CTNNA3: variants seen among roughly 807,000 people sequenced by gnomAD.
CTNNA3 encodes catenin alpha-3.
In CTNNA3, 76 loss-of-function variants were observed where a neutral mutation model predicts 95.7. That is an observed-to-expected ratio of 0.79 (90% confidence interval 0.66 to 0.96). CTNNA3 has a LOEUF of 0.96. Ranked by LOEUF, CTNNA3 falls within the 40% of genes least tolerant of loss-of-function variation. The pLI, the probability that CTNNA3 is intolerant of heterozygous loss-of-function variation, is 0.00. For synonymous variants in CTNNA3, 431 were observed against 374.4 expected (o/e 1.15, Z -1.74); for missense variants, 1,191 against 1,089.8 (o/e 1.09, Z -1.31).
At chr10:66,981,742 T>C (rs1850453682) in intron 7 of CTNNA3, among the ~76,000 whole-genome samples, 1 of 152,214 alleles carries the variant, frequency 6.6e-6, no homozygotes, top group African/African-American at 2.4e-5. Flanking sequence ...ATTATGAACA[T>C]GGCATAGCAC....
chr10:65,980,128 A>T (rs1443124192), intron 16 of CTNNA3, among the ~76,000 whole-genome samples: 1 of 152,056 alleles, frequency 6.6e-6, no homozygotes, highest in Non-Finnish European at 1.5e-5. Flanking sequence ...ATTAAATTAG[A>T]ACGAAATGGG....
intron 6 of CTNNA3, among the ~76,000 whole-genome samples, chr10:67,190,688 T>A (rs182023086): frequency 6.6e-6 from 1 of 152,158 alleles, no homozygotes; most frequent in Admixed American, 6.5e-5. Flanking sequence ...TATTTTTAAA[T>A]TAATCAGTTG....
chr10:66,926,843 A>T lies in CTNNA3; in HGVS notation c.1048-151319T>A. 5.5e-6 allele frequency: 7 copies of T among 1,270,320 alleles called. No individual in the cohort carries two copies. In the South Asian group the frequency reaches 1.1e-4, roughly 20 times the overall value. 78.7% of individuals were successfully genotyped at this position (1,270,320 alleles called of 1,614,324 possible). ...AGATTTAAATTTTTAAAAATGAAAA[A>T]TATATGCCTATTTTTGCTTGATTAA... On this transcript the variant is annotated intron_variant, in intron 7 of 17. Coordinates refer to ENST00000433211, the MANE Select transcript of CTNNA3 (RefSeq NM_013266.4).
At chr10:67,146,777 T>C (rs918781744) in intron 7 of CTNNA3, among the ~76,000 whole-genome samples, 1 of 152,220 alleles carries the variant, frequency 6.6e-6, no homozygotes, top group Non-Finnish European at 1.5e-5. Context: ...TATACAGTCA[T>C]GCATGGCATA....
At chr10:67,255,347 A>G (rs1431722658) in intron 5 of CTNNA3, among the ~76,000 whole-genome samples, 10 of 152,006 alleles carry the variant, frequency 6.6e-5, no homozygotes, top group African/African-American at 2.4e-5. Context: ...AAAAACTACA[A>G]TAATTTCTAA....
chr10:67,109,960 G>T (rs947785168), intron 7 of CTNNA3, among the ~76,000 whole-genome samples: 2 of 152,222 alleles, frequency 1.3e-5, no homozygotes, highest in African/African-American at 4.8e-5. Flanking sequence ...TGAGGGAATT[G>T]TGCCTAATAT....
chr10:66,515,340 T>C lies in CTNNA3; in HGVS notation c.1531+5277A>G, dbSNP rs903389494. Among the ~76,000 whole-genome samples, 16 of 146,666 alleles carry C rather than the reference T, an allele frequency of 1.1e-4. No homozygotes were observed. The East Asian group carries it at 1.2e-3, about 11-fold the overall frequency. On this transcript the variant is annotated intron_variant, in intron 11 of 17. Coordinates refer to ENST00000433211, the MANE Select transcript of CTNNA3 (RefSeq NM_013266.4). ...GTCTCTCCCTCTCTGTCTCTCTCTC[T>C]CTCTCTATATATATATATAGTATTA...
At position 66,330,043 on chromosome 10, in the gene CTNNA3, A is replaced by G. The variant is rs573568619; in HGVS notation, c.1732+49109T>C. On this transcript the variant is annotated intron_variant, in intron 12 of 17. Coordinates refer to ENST00000433211, the MANE Select transcript of CTNNA3 (RefSeq NM_013266.4). Reference sequence around the variant, plus strand: ...ACAGGCAATTCACTGGTCAGTTGTGAAATATGAAAAAGAAGTAAGCACATA... The same window carrying G: ...ACAGGCAATTCACTGGTCAGTTGTGGAATATGAAAAAGAAGTAAGCACATA... Among the ~76,000 whole-genome samples the G allele has an allele frequency of 1.4e-3, 216 of 152,200 alleles. 3 individuals carry two copies. Among genetic ancestry groups the G allele is most frequent in the African/African-American group, 5.1e-3 (211 of 41,552 alleles).
At chr10:65,950,150 G>T (rs2077585117) in intron 17 of CTNNA3, among the ~76,000 whole-genome samples, 1 of 149,450 alleles carries the variant, frequency 6.7e-6, no homozygotes, top group South Asian at 2.1e-4. Flanking sequence ...CATTGATTTT[G>T]CTAGGGAACA....
intron 1 of CTNNA3, among the ~76,000 whole-genome samples, chr10:67,654,255 G>C (rs1320330565): frequency 6.6e-6 from 1 of 152,152 alleles, no homozygotes; most frequent in African/African-American, 2.4e-5. Flanking sequence ...TTGGCGAGTA[G>C]AGCCTACTTT....
chr10:66,214,653 TA>T (rs1285595671), intron 13 of CTNNA3, among the ~76,000 whole-genome samples: 1 of 152,062 alleles, frequency 6.6e-6, no homozygotes, highest in Non-Finnish European at 1.5e-5. Flanking sequence ...ATATTATATT[TA>T]ATTAGTGGAT....
intron 5 of CTNNA3, among the ~76,000 whole-genome samples, chr10:67,356,964 C>A (rs77521930): frequency 6.6e-6 from 1 of 152,036 alleles, no homozygotes; most frequent in African/African-American, 2.4e-5. Context: ...CAGTTCCTCC[C>A]AGTGATCTTT....
At chr10:66,748,633 C>T (rs1838984900) in intron 9 of CTNNA3, among the ~76,000 whole-genome samples, 1 of 151,996 alleles carries the variant, frequency 6.6e-6, no homozygotes, top group African/African-American at 2.4e-5. Flanking sequence ...GTTCATTTTA[C>T]CTGAGATTTG....
intron 2 of CTNNA3, among the ~76,000 whole-genome samples, chr10:67,629,018 A>T (rs1161927491): frequency 1.3e-5 from 2 of 152,126 alleles, no homozygotes; most frequent in Non-Finnish European, 1.5e-5. Flanking sequence ...ATAAAAAAAA[A>T]AACTGGACTC....
At chr10:67,054,001 G>A (rs984537855) in intron 7 of CTNNA3, among the ~76,000 whole-genome samples, 7 of 152,074 alleles carry the variant, frequency 4.6e-5, no homozygotes, top group Admixed American at 2.0e-4. Context: ...TCCCCTACAC[G>A]ATATCTCTAA....
At chr10:67,538,157 T>TAAAAAAA (rs1176919938) in intron 4 of CTNNA3, among the ~76,000 whole-genome samples, 1,826 of 58,808 alleles carry the variant, frequency 0.031, 60 homozygotes, top group African/African-American at 0.054. Flanking sequence ...CTACTTAAAC[T>TAAAAAAA]AAAAAAAAAA....
chr10:66,518,156 G>A (rs1840929269), intron 11 of CTNNA3, among the ~76,000 whole-genome samples: 1 of 151,976 alleles, frequency 6.6e-6, no homozygotes, highest in African/African-American at 2.4e-5. Flanking sequence ...TTTATGTTTT[G>A]AACTGCTTAA....
At chr10:66,382,304 A>G (rs1589166581) in intron 11 of CTNNA3, among the ~76,000 whole-genome samples, 1 of 152,194 alleles carries the variant, frequency 6.6e-6, no homozygotes, top group East Asian at 1.9e-4. Flanking sequence ...AGTGGGTCCC[A>G]TGCCCATGGA....
In CTNNA3 at chr10:66,132,294, GA is replaced by G. The variant is rs2083146720; in HGVS notation, c.1885-29046del. Among the ~76,000 whole-genome samples the G allele has an allele frequency of 2.6e-5, 4 of 151,988 alleles. No individual in the cohort carries two copies. The South Asian group carries it at 8.3e-4, about 31-fold the overall frequency. ...ACATACATGCGTCCAATGAGCATAG[GA>G]AAAAAAGCTCAATATCACTGATCAT... is the stretch of plus-strand genomic sequence containing the variant. On this transcript the variant is annotated intron_variant, in intron 13 of 17. Coordinates refer to ENST00000433211, the MANE Select transcript of CTNNA3 (RefSeq NM_013266.4).
Sources: allele counts gnomAD v4.1 joint callset (sites outside exome capture counted in the v4.1 genomes callset), GRCh38; gene constraint gnomAD v4.1.1; transcripts MANE v1.5; gene names NCBI Gene and HGNC (gene_info 2026-07-23, HGNC 2026-07-21).